Variants in LRRTM4 observed in about 807,000 individuals in gnomAD.
LRRTM4 encodes leucine-rich repeat transmembrane neuronal protein 4.
A neutral mutation model predicts 47.6 loss-of-function variants in LRRTM4; 25 were observed. The ratio of observed to expected loss-of-function variants is 0.53; its 90% confidence interval spans 0.38 to 0.73. The LOEUF is 0.73. Ranked by LOEUF, LRRTM4 falls within the 30% of genes least tolerant of loss-of-function variation. The pLI is 0.00. For synonymous variants in LRRTM4, 311 were observed against 269.5 expected, an observed-to-expected ratio of 1.15 and a Z score of -1.51; for missense variants, 638 against 713.4, an observed-to-expected ratio of 0.89 and a Z score of 1.20.
At chr2:77,411,697 C>G (rs1674446817) in intron 3 of LRRTM4, among the ~76,000 whole-genome samples, 1 of 142,934 alleles carries the variant, frequency 7.0e-6, no homozygotes, top group South Asian at 2.2e-4. Context: ...GTCTCGATCT[C>G]CTGACCTCGT....
intron 3 of LRRTM4, among the ~76,000 whole-genome samples, chr2:76,930,466 T>G (rs1422295287): frequency 6.6e-6 from 1 of 152,228 alleles, no homozygotes; most frequent in East Asian, 1.9e-4. Context: ...TCTTTTGATG[T>G]AAGTACAATC....
At chr2:77,375,897 T>A (rs1206479719) in intron 3 of LRRTM4, among the ~76,000 whole-genome samples, 1 of 151,824 alleles carries the variant, frequency 6.6e-6, no homozygotes, top group Non-Finnish European at 1.5e-5. Context: ...AACTGAAACT[T>A]CATACCCATT....
chr2:77,251,398 G>A (rs1307680408), intron 3 of LRRTM4, among the ~76,000 whole-genome samples: 54 of 151,690 alleles, frequency 3.6e-4, no homozygotes, highest in Non-Finnish European at 4.4e-5. Context: ...GGGAAATGGA[G>A]GAAGAAAGAG....
At chr2:77,072,525 C>T (rs1021098741) in intron 3 of LRRTM4, among the ~76,000 whole-genome samples, 6 of 152,152 alleles carry the variant, frequency 3.9e-5, no homozygotes, top group African/African-American at 1.2e-4. Context: ...AGGCCAGACA[C>T]AGTGGCTCAT....
chr2:77,108,578 C>CTTTTTTTTTTTTTTTTTTTTTTTTT (rs200805423), intron 3 of LRRTM4, among the ~76,000 whole-genome samples: 3 of 142,948 alleles, frequency 2.1e-5, no homozygotes, highest in Non-Finnish European at 4.5e-5. Context: ...CACAAACATT[C>CTTTTTTTTTTTTTTTTTTTTTTTTT]TTTTTTTTTT....
intron 3 of LRRTM4, among the ~76,000 whole-genome samples, chr2:76,848,551 A>C (rs988369714): frequency 2.6e-5 from 4 of 152,136 alleles, no homozygotes; most frequent in African/African-American, 4.8e-5. Flanking sequence ...TCAGTTCAAA[A>C]ATTAATTCAA....
chr2:77,218,146 C>T (rs1005386323), intron 3 of LRRTM4, among the ~76,000 whole-genome samples: 11 of 152,060 alleles, frequency 7.2e-5, no homozygotes, highest in African/African-American at 2.2e-4. Flanking sequence ...AGGCATGTGC[C>T]GCCATGCCTG....
intron 3 of LRRTM4, among the ~76,000 whole-genome samples, chr2:77,306,897 A>ATTTTTTTTTTTTTTTTTTTTTTTTTTTTT (rs774697360): frequency 3.6e-5 from 4 of 112,412 alleles, no homozygotes; most frequent in African/African-American, 1.3e-4. Context: ...GCTTTTCCAT[A>ATTTTTTTTTTTTTTTTTTTTTTTTTTTTT]TTTTTTTTTT....
chr2:77,240,898 G>A (rs1459266603), intron 3 of LRRTM4, among the ~76,000 whole-genome samples: 1 of 151,876 alleles, frequency 6.6e-6, no homozygotes, highest in Non-Finnish European at 1.5e-5. Context: ...ATAATGAAAA[G>A]TTTATAGAAT....
intron 3 of LRRTM4, among the ~76,000 whole-genome samples, chr2:77,512,456 T>C (rs1679057848): frequency 6.6e-6 from 1 of 152,148 alleles, no homozygotes; most frequent in Non-Finnish European, 1.5e-5. Flanking sequence ...TCTGGTACTA[T>C]AAAAAGCAAT....
At chr2:76,940,276 T>C (rs1341233255) in intron 3 of LRRTM4, among the ~76,000 whole-genome samples, 2 of 152,134 alleles carry the variant, frequency 1.3e-5, no homozygotes, top group African/African-American at 4.8e-5. Flanking sequence ...GAAGAAAATG[T>C]GGTACATGTA....
Position 77,038,904 on chromosome 2 carries a change from C to A in LRRTM4, c.1552-289988G>T, listed in dbSNP as rs902057583. Among the ~76,000 whole-genome samples the A allele has an allele frequency of 4.6e-5, 7 of 151,320 alleles. No individual in the cohort carries two copies. In the East Asian group the frequency reaches 1.4e-3, roughly 29 times the overall value. On this transcript the variant is annotated intron_variant, in intron 3 of 3. Transcript: ENST00000409884. ...ATGTATGAGTTTAGAGACCAAATTA[C>A]ACTTGTGGCATTGCTCTTATTATAT...
At chr2:77,166,982 T>C (rs944760695) in intron 3 of LRRTM4, among the ~76,000 whole-genome samples, 5 of 152,084 alleles carry the variant, frequency 3.3e-5, no homozygotes, top group African/African-American at 4.8e-5. Flanking sequence ...AAAGAGCTTC[T>C]ACACAGCAAA....
chr2:76,755,039 T>C (rs1292286304), intron 3 of LRRTM4, among the ~76,000 whole-genome samples: 2 of 152,140 alleles, frequency 1.3e-5, no homozygotes, highest in Non-Finnish European at 2.9e-5. Context: ...CAATCAGCTT[T>C]GGTGTGATTT....
chr2:77,459,941 ACTT>A (rs1344312319), intron 3 of LRRTM4, among the ~76,000 whole-genome samples: 5 of 149,944 alleles, frequency 3.3e-5, no homozygotes, highest in Non-Finnish European at 7.5e-5. Context: ...TTAGACACAT[ACTT>A]CTTATTACAA....
At chr2:77,298,649 A>G (rs1175986998) in intron 3 of LRRTM4, among the ~76,000 whole-genome samples, 2 of 152,216 alleles carry the variant, frequency 1.3e-5, no homozygotes, top group African/African-American at 2.4e-5. Context: ...GCCAGAGATG[A>G]AAAGTATTGT....
intron 3 of LRRTM4, among the ~76,000 whole-genome samples, chr2:77,069,161 C>A (rs914106167): frequency 6.6e-6 from 1 of 152,110 alleles, no homozygotes; most frequent in East Asian, 1.9e-4. Flanking sequence ...TTCCACTTTA[C>A]CCCTCTATAT....
intron 3 of LRRTM4, among the ~76,000 whole-genome samples, chr2:77,095,710 AT>A (rs1196873055): frequency 6.6e-6 from 1 of 151,832 alleles, no homozygotes; most frequent in Non-Finnish European, 1.5e-5. Context: ...GGGTTTTTCC[AT>A]TTTGGCCAGG....
intron 3 of LRRTM4, among the ~76,000 whole-genome samples, chr2:77,146,120 T>G (rs573751072): frequency 3.9e-5 from 6 of 152,156 alleles, no homozygotes; most frequent in Non-Finnish European, 8.8e-5. Flanking sequence ...TTCTTTTGTT[T>G]CTCTTAAACC....
Sources: allele counts gnomAD v4.1 joint callset (sites outside exome capture counted in the v4.1 genomes callset), GRCh38; gene constraint gnomAD v4.1.1; transcripts MANE v1.5; gene names NCBI Gene and HGNC (gene_info 2026-07-23, HGNC 2026-07-21).